Variants in PHACTR2 observed in about 807,000 individuals in gnomAD.
The protein encoded by PHACTR2 is phosphatase and actin regulator 2.
A neutral mutation model predicts 76.0 loss-of-function variants in PHACTR2; 30 were observed. The ratio of observed to expected loss-of-function variants is 0.39; its 90% CI spans 0.30 to 0.54. The LOEUF (loss-of-function observed/expected upper bound fraction) is 0.54. Among genes scored for constraint, PHACTR2 ranks in the 20% least tolerant of loss-of-function variants. The probability of loss-of-function intolerance (pLI) is 0.61; values close to 1 mark genes in which losing one functional copy is unlikely to be tolerated. For missense variants in PHACTR2, 696 were observed against 781.1 expected, an observed-to-expected ratio of 0.89 and a Z score of 1.30; for synonymous variants, 292 against 292.5, an observed-to-expected ratio of 1.00 and a Z score of 0.02.
chr6:143,681,832 G>C (rs1343966431), intron 1 of PHACTR2, among the ~76,000 whole-genome samples: 2 of 152,198 alleles, frequency 1.3e-5, no homozygotes, highest in Non-Finnish European at 2.9e-5. Context: ...TTGTTGAAAT[G>C]ACCGTTCTTT....
intron 1 of PHACTR2, among the ~76,000 whole-genome samples, chr6:143,564,957 T>G (rs1437651313): frequency 1.3e-5 from 2 of 152,112 alleles, no homozygotes; most frequent in African/African-American, 4.8e-5. Flanking sequence ...AAACATTGGT[T>G]TTACAATGTA....
intron 1 of PHACTR2, among the ~76,000 whole-genome samples, chr6:143,565,347 G>A (rs1231175893): frequency 1.3e-5 from 2 of 152,202 alleles, no homozygotes; most frequent in Admixed American, 1.3e-4. Flanking sequence ...GGCCGGGCGC[G>A]GTGGCTCACG....
At position 143,830,091 on chromosome 6, in the gene PHACTR2, G is replaced by T. The variant is rs376224573; in HGVS notation, c.*6402G>T. 1 of 152,050 alleles carries T rather than the reference G, an allele frequency of 6.6e-6. No homozygotes were observed. 9.4% of individuals were successfully genotyped at this position (152,050 alleles called of 1,614,324 possible). A position where few individuals can be genotyped will look rare whatever the true frequency, so the allele number is the denominator to read the frequency against. On this transcript the variant is annotated 3_prime_UTR_variant, in exon 13 of 13. Coordinates refer to ENST00000440869, the MANE Select transcript of PHACTR2 (RefSeq NM_001100164.2). ...GAAGTTGCCACTGCAGGGCTAACTC[G>T]CCTTCAGAAATAATCAGAATGATTC...
At chr6:143,630,925 A>G (rs1166756908) in intron 1 of PHACTR2, among the ~76,000 whole-genome samples, 1 of 152,218 alleles carries the variant, frequency 6.6e-6, no homozygotes, top group African/African-American at 2.4e-5. Flanking sequence ...CCAGTGCTTC[A>G]TGCAAGTCAT....
chr6:143,577,527 G>A (rs1262241294), intron 1 of PHACTR2, among the ~76,000 whole-genome samples: 2 of 152,184 alleles, frequency 1.3e-5, no homozygotes, highest in East Asian at 3.8e-4. Context: ...GAAATGTGAT[G>A]AGCAGAGGCA....
intron 11 of PHACTR2, among the ~76,000 whole-genome samples, chr6:143,792,033 G>T (rs1300450058): frequency 6.6e-6 from 1 of 152,052 alleles, no homozygotes; most frequent in Admixed American, 6.6e-5. Context: ...TACACTGAGG[G>T]TATGCCATTT....
intron 11 of PHACTR2, among the ~76,000 whole-genome samples, chr6:143,805,921 G>A (rs534405278): frequency 1.3e-5 from 2 of 152,134 alleles, no homozygotes; most frequent in Non-Finnish European, 2.9e-5. Flanking sequence ...CTTTTTTTCT[G>A]TCTGTTCCCT....
intron 1 of PHACTR2, among the ~76,000 whole-genome samples, chr6:143,572,451 TGTGA>T (rs954069496): frequency 4.2e-4 from 64 of 152,376 alleles, no homozygotes; most frequent in African/African-American, 1.4e-3. Flanking sequence ...ATAGAATGTG[TGTGA>T]GTGTTTGTGA....
chr6:143,657,089 C>T (rs1428934442), intron 1 of PHACTR2, among the ~76,000 whole-genome samples: 5 of 64,152 alleles, frequency 7.8e-5, no homozygotes, highest in South Asian at 5.1e-4. Context: ...GTTTGGGGGT[C>T]GGGGGCAAGG....
At chr6:143,586,612 G>A (rs1057403460) in intron 1 of PHACTR2, among the ~76,000 whole-genome samples, 4 of 152,206 alleles carry the variant, frequency 2.6e-5, no homozygotes, top group Non-Finnish European at 5.9e-5. Context: ...TGGCAGCCCA[G>A]GGCAGTTTTG....
At chr6:143,788,121 A>G (rs2128479544) in intron 10 of PHACTR2, among the ~76,000 whole-genome samples, 1 of 152,338 alleles carries the variant, frequency 6.6e-6, no homozygotes, top group South Asian at 2.1e-4. Context: ...AGTATCTTAA[A>G]GGTTGGAGTT....
In PHACTR2 at chr6:143,546,791, G is replaced by A. The variant is rs1198431211; in HGVS notation, c.217+9584G>A. Among the ~76,000 whole-genome samples the A allele has an allele frequency of 2.0e-5, 3 of 151,842 alleles. No homozygotes were observed. Among genetic ancestry groups the A allele is most frequent in the Non-Finnish European group, 2.9e-5 (2 of 67,994 alleles). ...ATGTAATCCCAACATTTTGGGAGGT[G>A]GAGGCAGAAGGATTGCTTGAGTCCA... is the stretch of plus-strand genomic sequence containing the variant. On this transcript the variant is annotated intron_variant, in intron 1 of 11. Transcript: ENST00000367584. The surrounding 1 kb of genome is among the most constrained non-coding windows in gnomAD (Gnocchi z 4.9).
Position 143,702,127 on chromosome 6 carries a change from CTTTTTTT to C in PHACTR2, c.47-9873_47-9867del, listed in dbSNP as rs909954007. ...TCCTGATTGTGCAATGTCTTCTTTG[CTTTTTTT>C]TTTTTTTTTTTTTTTGAGAAGGGAT... On this transcript the variant is annotated intron_variant, in intron 1 of 12. Transcript: ENST00000440869. 5.7e-3 allele frequency among the ~76,000 whole-genome samples: 601 copies of C among 105,742 alleles called. 2 individuals are homozygous for C. Among genetic ancestry groups the C allele is most frequent in the African/African-American group, 0.022 (574 of 26,554 alleles). 69.4% of individuals were successfully genotyped at this position (105,742 alleles called of 152,430 possible).
rs373797909 is a variant in PHACTR2 at position 143,813,617 on chromosome 6, C to CAAA, written c.1922+6506_1922+6508dup. On this transcript the variant is annotated intron_variant, in intron 12 of 12. Transcript: ENST00000440869. Reference sequence around the variant, plus strand: ...TGGGCAACAGAGCGAGACTCCGCCTCAAAAAAAAAAAAAAAAAAAAAAAAT... The same window carrying CAAA: ...TGGGCAACAGAGCGAGACTCCGCCTCAAAAAAAAAAAAAAAAAAAAAAAAAAAT... Among the ~76,000 whole-genome samples the CAAA allele has an allele frequency of 5.5e-3, 348 of 62,788 alleles. 7 individuals carry two copies. The highest frequency in any genetic ancestry group is 0.017 in the African/African-American group (258 of 15,104). 41.2% of individuals were successfully genotyped at this position (62,788 alleles called of 152,430 possible).
rs1449923465 is a variant in PHACTR2, at chr6:143,581,258, G to A, written c.217+44051G>A. ...CTCCTTTGACTATGGCATAGACTCT[G>A]TAGATGTCTGTAATTGACCGGGAGG... On this transcript the variant is annotated intron_variant, in intron 1 of 11. Coordinates refer to the PHACTR2 transcript ENST00000367584. This position sits in a 1 kb window ranked among gnomAD's most constrained non-coding sequence, Gnocchi z 4.5. Among the ~76,000 whole-genome samples the A allele has an allele frequency of 6.6e-6, 1 of 152,202 alleles. No homozygotes were observed. The highest frequency in any genetic ancestry group is 1.5e-5 in the Non-Finnish European group (1 of 68,024).
In PHACTR2 at chr6:143,793,288, GA is replaced by G. The variant is rs1775753500; in HGVS notation, c.1845+4381del. Among the ~76,000 whole-genome samples, 1 of 151,224 alleles carries G rather than the reference GA, an allele frequency of 6.6e-6. No homozygotes were observed. The highest frequency in any genetic ancestry group is 2.4e-5 in the African/African-American group (1 of 41,122). ...GGATTTTTTTTTTTAATTTTATGTTGAAACAAAAATGGGATTTTGTTCTGGA... is the reference window on the plus strand; with the variant it reads ...GGATTTTTTTTTTTAATTTTATGTTGAACAAAAATGGGATTTTGTTCTGGA... On this transcript the variant is annotated intron_variant, in intron 11 of 12. Coordinates refer to ENST00000440869, the MANE Select transcript of PHACTR2 (RefSeq NM_001100164.2). The surrounding 1 kb of genome is among the most constrained non-coding windows in gnomAD (Gnocchi z 4.4).
In PHACTR2 at chr6:143,827,249, T is replaced by G. The variant is rs1459157138; in HGVS notation, c.*3560T>G. ...CACTTAAAAGAGGAAAAATTTGCAT[T>G]AACATTGCATATTCTGATATGTACC... On this transcript the variant is annotated 3_prime_UTR_variant, in exon 13 of 13. Coordinates refer to ENST00000440869, the MANE Select transcript of PHACTR2 (RefSeq NM_001100164.2). 1 of 144,362 alleles carries G rather than the reference T, an allele frequency of 6.9e-6. No individual in the cohort carries two copies. Among genetic ancestry groups the G allele is most frequent in the Non-Finnish European group, 1.5e-5 (1 of 66,444 alleles). The allele number at this position is 144,362 out of a possible 1,614,324, so 8.9% of individuals were successfully genotyped here.
Position 143,558,052 on chromosome 6 carries a change from C to G in PHACTR2, c.217+20845C>G, listed in dbSNP as rs559238044. 6.6e-6 allele frequency: 1 copy of G among 152,226 alleles called. No individual in the cohort carries two copies. Among genetic ancestry groups the G allele is most frequent in the Admixed American group, 6.5e-5 (1 of 15,296 alleles). 9.4% of individuals were successfully genotyped at this position (152,226 alleles called of 1,614,324 possible). On this transcript the variant is annotated intron_variant, in intron 1 of 11. Transcript: ENST00000367584. The surrounding 1 kb of genome is among the most constrained non-coding windows in gnomAD (Gnocchi z 4.7). Reference sequence around the variant, plus strand: ...TTTCTCTCTGACGTTCTCCTTGGGTCCATCCCACATGCTGCCTGGGAGCTT... The same window carrying G: ...TTTCTCTCTGACGTTCTCCTTGGGTGCATCCCACATGCTGCCTGGGAGCTT...
In PHACTR2 at chr6:143,784,939, T is replaced by C. The variant is rs79731954; in HGVS notation, c.1707+1659T>C. 6.6e-6 allele frequency among the ~76,000 whole-genome samples: 1 copy of C among 152,184 alleles called. No homozygotes were observed. The highest frequency in any genetic ancestry group is 6.5e-5 in the Admixed American group (1 of 15,274). On this transcript the variant is annotated intron_variant, in intron 10 of 12. Transcript: ENST00000440869. The surrounding 1 kb of genome is among the most constrained non-coding windows in gnomAD (Gnocchi z 4.5). The stretch of plus-strand genomic sequence containing the variant: ...GGGTCCCTCCCACAACACATGGGAA[T>C]TCTGGGAGATACAATTCAAGTTGAG...
Sources: allele counts gnomAD v4.1 joint callset (sites outside exome capture counted in the v4.1 genomes callset), GRCh38; gene constraint gnomAD v4.1.1; non-coding constraint Gnocchi (gnomAD v3.1); transcripts MANE v1.5; gene names NCBI Gene and HGNC (gene_info 2026-07-23, HGNC 2026-07-21).